Variants in GRHL1 observed in about 807,000 individuals in gnomAD.
GRHL1 encodes the protein grainyhead like transcription factor 1.
In GRHL1, 38 loss-of-function variants were observed where a neutral mutation model predicts 75.7. The observed-to-expected ratio is 0.50, with a 90% CI of 0.39 to 0.66. The LOEUF (loss-of-function observed/expected upper bound fraction) is 0.66, where lower values mean the gene tolerates loss of function less well. GRHL1 is among the 30% of genes least tolerant of loss of function. The pLI is 0.00. For missense variants in GRHL1, 589 were observed against 767.5 expected (o/e 0.77, Z 2.75); for synonymous variants, 266 against 279.4 (o/e 0.95, Z 0.48).
At chr2:9,963,544 G>A (rs1262538808) in intron 5 of GRHL1, among the ~76,000 whole-genome samples, 2 of 152,184 alleles carry the variant, frequency 1.3e-5, no homozygotes, top group African/African-American at 4.8e-5. Flanking sequence ...TTTAGTCAGA[G>A]GAACACCAGC....
At chr2:9,969,517 A>C (rs908932334) in intron 8 of GRHL1, among the ~76,000 whole-genome samples, 4 of 152,250 alleles carry the variant, frequency 2.6e-5, no homozygotes, top group African/African-American at 9.6e-5. Context: ...CACTAATATA[A>C]ATAAGAACAC....
At position 9,993,297 on chromosome 2, in the gene GRHL1, C is replaced by T. The variant is rs531240403; in HGVS notation, c.1499+53C>T. The T allele has an allele frequency of 2.9e-5, 43 of 1,470,976 alleles. No homozygotes were observed. The African/African-American group carries it at 3.5e-4, about 12-fold the overall frequency. The allele number at this position is 1,470,976 out of a possible 1,614,324, so 91.1% of individuals were successfully genotyped here. ...TTTTAATAATGGAAATGATTTCAAA[C>T]TTGTAGAAAAACTGCAAGTACAGTA... On this transcript the variant is annotated intron_variant, in intron 12 of 15. Coordinates refer to ENST00000324907, the MANE Select transcript of GRHL1 (RefSeq NM_198182.3).
At chr2:9,994,901 A>G (rs140406235) in intron 12 of GRHL1, among the ~76,000 whole-genome samples, 1 of 152,070 alleles carries the variant, frequency 6.6e-6, no homozygotes, top group East Asian at 1.9e-4. Context: ...ATACCACCAT[A>G]TTTTAAACCT....
chr2:9,976,477 AG>A (rs1667952453), intron 8 of GRHL1, among the ~76,000 whole-genome samples: 1 of 152,046 alleles, frequency 6.6e-6, no homozygotes, highest in African/African-American at 2.4e-5. Flanking sequence ...CTGTGGACCA[AG>A]GGTCTTGGGG....
intron 8 of GRHL1, among the ~76,000 whole-genome samples, chr2:9,971,450 T>C (rs560724472): frequency 6.6e-6 from 1 of 152,306 alleles, no homozygotes; most frequent in Non-Finnish European, 1.5e-5. Context: ...CACTGTTACT[T>C]TTAAAATGAA....
At chr2:9,969,094 C>T (rs1667604548) in intron 8 of GRHL1, among the ~76,000 whole-genome samples, 1 of 152,208 alleles carries the variant, frequency 6.6e-6, no homozygotes, top group African/African-American at 2.4e-5. Flanking sequence ...GACTGCGCAT[C>T]TTGGCCTAGA....
intron 8 of GRHL1, among the ~76,000 whole-genome samples, chr2:9,969,037 T>G (rs1667601218): frequency 1.3e-5 from 2 of 152,224 alleles, no homozygotes; most frequent in African/African-American, 2.4e-5. Context: ...CTGCAACAAT[T>G]TCAGTATTTC....
Position 9,998,948 on chromosome 2 carries a change from T to C in GRHL1, c.1678-17T>C. 6.9e-7 allele frequency: 1 copy of C among 1,439,180 alleles called. No homozygotes were observed. The highest frequency in any genetic ancestry group is 9.6e-7 in the Non-Finnish European group (1 of 1,045,250). 89.2% of individuals were successfully genotyped at this position (1,439,180 alleles called of 1,614,324 possible). A position where few individuals can be genotyped will look rare whatever the true frequency, so the allele number is the denominator to read the frequency against. ...CTTGATACAGGGTTTTGTAATTATTTTTCTTTCCTCTTTTAGATCTCAGAC... is the reference window on the plus strand; with the variant it reads ...CTTGATACAGGGTTTTGTAATTATTCTTCTTTCCTCTTTTAGATCTCAGAC... On this transcript the variant is annotated splice_polypyrimidine_tract_variant and intron_variant, in intron 14 of 15. Transcript: ENST00000324907.
At chr2:9,988,452 G>A (rs1336805950) in intron 9 of GRHL1, among the ~76,000 whole-genome samples, 4 of 152,094 alleles carry the variant, frequency 2.6e-5, no homozygotes, top group Admixed American at 1.3e-4. Flanking sequence ...TAATCTTTTC[G>A]GATGTCAGTT....
chr2:9,998,647 TATACATATAC>T (rs1330271429), intron 14 of GRHL1, among the ~76,000 whole-genome samples: 706 of 49,386 alleles, frequency 0.014, 186 homozygotes, highest in Non-Finnish European at 0.018. Flanking sequence ...TATGTACACA[TATACATATAC>T]ATATATATGT....
chr2:9,981,694 A>G (rs1668204458), intron 8 of GRHL1, among the ~76,000 whole-genome samples: 1 of 152,228 alleles, frequency 6.6e-6, no homozygotes, highest in African/African-American at 2.4e-5. Flanking sequence ...AAGATATTTT[A>G]TATATCTACA....
intron 8 of GRHL1, among the ~76,000 whole-genome samples, chr2:9,977,196 G>A (rs968847501): frequency 2.0e-5 from 3 of 152,138 alleles, no homozygotes; most frequent in African/African-American, 7.2e-5. Context: ...AGTTTTATGA[G>A]GATTTGAAAC....
Position 9,992,570 on chromosome 2 carries a change from G to A in GRHL1, c.1461+424G>A, listed in dbSNP as rs1668688405. On this transcript the variant is annotated intron_variant, in intron 11 of 15. Coordinates refer to ENST00000324907, the MANE Select transcript of GRHL1 (RefSeq NM_198182.3). This position sits in a 1 kb window ranked among gnomAD's most constrained non-coding sequence, Gnocchi z 4.6. ...CAGTTCCAGTTACTGAGCCGTCCTT[G>A]CCACGTGTAGTTACCAATGGCCATG... Among the ~76,000 whole-genome samples the A allele has an allele frequency of 6.6e-6, 1 of 152,154 alleles. No homozygotes were observed. Among genetic ancestry groups the A allele is most frequent in the Non-Finnish European group, 1.5e-5 (1 of 68,022 alleles).
At position 9,987,472 on chromosome 2, in the gene GRHL1, T is replaced by A. The variant is rs1458459129; in HGVS notation, c.1269+1190T>A. Among the ~76,000 whole-genome samples the A allele has an allele frequency of 1.3e-5, 2 of 152,180 alleles. No individual in the cohort carries two copies. The highest frequency in any genetic ancestry group is 4.8e-5 in the African/African-American group (2 of 41,448). On this transcript the variant is annotated intron_variant, in intron 9 of 15. Coordinates refer to ENST00000324907, the MANE Select transcript of GRHL1 (RefSeq NM_198182.3). The surrounding 1 kb of genome is among the most constrained non-coding windows in gnomAD (Gnocchi z 4.2). ...GCAGTCACCCCTGCACGGGAGCTCT[T>A]CCTTAGCTGTGTCCGAGTGGCTGAA...
chr2:9,956,540 G>A (rs1667032737), intron 2 of GRHL1, among the ~76,000 whole-genome samples: 1 of 151,916 alleles, frequency 6.6e-6, no homozygotes, highest in Admixed American at 6.6e-5. Flanking sequence ...AAAAAAAATG[G>A]GGTGATTATT....
At chr2:9,988,541 G>T (rs1349437618) in intron 9 of GRHL1, among the ~76,000 whole-genome samples, 1 of 152,108 alleles carries the variant, frequency 6.6e-6, no homozygotes, top group Non-Finnish European at 1.5e-5. Context: ...CTGGAGTGGG[G>T]CTCACTGAAG....
rs1327057143 is a variant in GRHL1 at position 10,002,173 on chromosome 2, T to A, written c.*1466T>A. The stretch of plus-strand genomic sequence containing the variant: ...TATGGGATATGGGTCATATAACTTT[T>A]GTATTTTTTATGAAGTTGATTTTGT... On this transcript the variant is annotated 3_prime_UTR_variant, in exon 16 of 16. Transcript: ENST00000324907. The A allele has an allele frequency of 6.6e-6, 1 of 152,660 alleles. No individual in the cohort carries two copies. Among genetic ancestry groups the A allele is most frequent in the East Asian group, 1.9e-4 (1 of 5,204 alleles). The allele number at this position is 152,660 out of a possible 1,614,324, so 9.5% of individuals were successfully genotyped here.
chr2:9,989,608 G>T (rs938886531), intron 9 of GRHL1, among the ~76,000 whole-genome samples: 1 of 152,076 alleles, frequency 6.6e-6, no homozygotes, highest in Non-Finnish European at 1.5e-5. Flanking sequence ...GAGTACAGTG[G>T]TGCGATCCCA....
chr2:9,968,613 T>C lies in GRHL1; in HGVS notation c.1110+3232T>C, dbSNP rs1321605321. 6.6e-6 allele frequency among the ~76,000 whole-genome samples: 1 copy of C among 152,194 alleles called. No individual in the cohort carries two copies. Among genetic ancestry groups the C allele is most frequent in the Non-Finnish European group, 1.5e-5 (1 of 68,038 alleles). ...CAATTGCCTTTGAAGCATTAAAAGA[T>C]GGAGCTTTGGTAAGATGCTGAAGTT... On this transcript the variant is annotated intron_variant, in intron 8 of 15. Transcript: ENST00000324907. The surrounding 1 kb of genome is among the most constrained non-coding windows in gnomAD (Gnocchi z 4.7).
Sources: allele counts gnomAD v4.1 joint callset (sites outside exome capture counted in the v4.1 genomes callset), GRCh38; gene constraint gnomAD v4.1.1; non-coding constraint Gnocchi (gnomAD v3.1); transcripts MANE v1.5; gene names NCBI Gene and HGNC (gene_info 2026-07-23, HGNC 2026-07-21).